The following NLRP14 variants were observed in gnomAD, a reference collection of about 807,000 sequenced individuals.
NLRP14 encodes the protein NACHT, LRR and PYD domains-containing protein 14.
In NLRP14, 105 loss-of-function variants were observed where a neutral mutation model predicts 94.7. The observed-to-expected ratio is 1.11, with a 90% CI of 0.95 to 1.30. The LOEUF is 1.30. NLRP14 is among the 50% of genes most tolerant of loss of function. The pLI is 0.00. For synonymous variants in NLRP14, 508 were observed against 459.9 expected (o/e 1.10, Z -1.34); for missense variants, 1,362 against 1,254.1 (o/e 1.09, Z -1.30).
At chr11:7,087,064 C>G in the NLRP14 span, among the ~76,000 whole-genome samples, 2 of 152,130 alleles carry the variant, frequency 1.3e-5, no homozygotes, top group Admixed American at 6.5e-5. Flanking sequence ...GGACTAAACT[C>G]TGACAACCAT....
chr11:7,029,994 A>T (rs1852069346), intron 1 of NLRP14, among the ~76,000 whole-genome samples: 1 of 152,216 alleles, frequency 6.6e-6, no homozygotes, highest in Admixed American at 6.5e-5. Context: ...AATAACGCTT[A>T]AAGTTCTCCA....
rs1852798295 is a variant in NLRP14, at chr11:7,071,479, C to A, written c.*171C>A. 6.7e-6 allele frequency among the ~76,000 whole-genome samples: 1 copy of A among 150,022 alleles called. No homozygotes were observed. Among genetic ancestry groups the A allele is most frequent in the Non-Finnish European group, 1.5e-5 (1 of 67,714 alleles). On this transcript the variant is annotated 3_prime_UTR_variant, in exon 12 of 12. Transcript: ENST00000299481. ...TCTGTAAAATGTCTGTTCTACTTCA[C>A]ACAGTGGTCGAGAGGCTAAAATAAA...
intron 5 of NLRP14, 73 bp from the exon 6 acceptor site, chr11:7,049,598 T>A (rs968363644): frequency 6.7e-6 from 7 of 1,047,316 alleles, no homozygotes; most frequent in Non-Finnish European, 1.0e-5. Context: ...AGAATTAGAT[T>A]GAAAAGAAAG....
intron 5 of NLRP14, among the ~76,000 whole-genome samples, chr11:7,047,427 C>T (rs569483662): frequency 2.6e-5 from 4 of 152,178 alleles, no homozygotes; most frequent in Non-Finnish European, 4.4e-5. Context: ...CCTCAGCCTC[C>T]CAAGTAGCTG....
intron 6 of NLRP14, among the ~76,000 whole-genome samples, chr11:7,055,757 C>T (rs1852507201): frequency 6.6e-6 from 1 of 152,058 alleles, no homozygotes; most frequent in Non-Finnish European, 1.5e-5. Context: ...GCATCTGTAC[C>T]ATCTTATGGA....
At chr11:7,047,070 T>C (rs1262905959) in intron 5 of NLRP14, among the ~76,000 whole-genome samples, 1 of 152,160 alleles carries the variant, frequency 6.6e-6, no homozygotes, top group Non-Finnish European at 1.5e-5. Flanking sequence ...ATTAGGAACT[T>C]TCTAAATGAA....
chr11:7,065,481 A>G (rs946748010), intron 10 of NLRP14, among the ~76,000 whole-genome samples: 6 of 152,046 alleles, frequency 3.9e-5, no homozygotes, highest in African/African-American at 1.4e-4. Context: ...CAATCACATC[A>G]TTTGGGAATA....
intron 3 of NLRP14, among the ~76,000 whole-genome samples, chr11:7,040,496 T>G (rs1355081746): frequency 6.6e-6 from 1 of 152,158 alleles, no homozygotes; most frequent in East Asian, 1.9e-4. Context: ...CACCCCTGCC[T>G]CCTACATCCA....
chr11:7,063,677 ACT>A (rs1178968820), intron 10 of NLRP14, among the ~76,000 whole-genome samples: 3 of 151,982 alleles, frequency 2.0e-5, no homozygotes, highest in African/African-American at 7.2e-5. Context: ...TCCATTGGCC[ACT>A]CTGATTAACA....
At chr11:7,044,400 C>T (rs767399452) in intron 4 of NLRP14, among the ~76,000 whole-genome samples, 1 of 152,116 alleles carries the variant, frequency 6.6e-6, no homozygotes, top group East Asian at 1.9e-4. Context: ...TTCTGCTGAA[C>T]CTGGTAAACA....
intron 9 of NLRP14, among the ~76,000 whole-genome samples, chr11:7,062,028 A>T (rs1907613): frequency 6.6e-6 from 1 of 151,798 alleles, no homozygotes; most frequent in African/African-American, 2.4e-5. Context: ...GAGATCTATT[A>T]GTTCCTTGGG....
chr11:7,038,068 T>C (rs914904873), intron 1 of NLRP14, among the ~76,000 whole-genome samples: 1 of 152,208 alleles, frequency 6.6e-6, no homozygotes, highest in African/African-American at 2.4e-5. Context: ...TGTTGAGTAA[T>C]AATGTGTTGG....
chr11:7,022,246 C>T (rs1372076567), intron 1 of NLRP14, among the ~76,000 whole-genome samples: 1 of 152,148 alleles, frequency 6.6e-6, no homozygotes, highest in Non-Finnish European at 1.5e-5. Flanking sequence ...CTTGAATGTG[C>T]AGAGACCCAA....
intron 1 of NLRP14, among the ~76,000 whole-genome samples, chr11:7,030,569 A>G (rs986567290): frequency 1.3e-5 from 2 of 149,636 alleles, no homozygotes; most frequent in African/African-American, 5.0e-5. Flanking sequence ...TTTTCTCCAT[A>G]GCAATGATTA....
intron 1 of NLRP14, among the ~76,000 whole-genome samples, chr11:7,027,803 C>G (rs1465143007): frequency 6.6e-6 from 1 of 152,152 alleles, no homozygotes; most frequent in Non-Finnish European, 1.5e-5. Flanking sequence ...TCAGTCTCAT[C>G]TCGTTCTATC....
chr11:7,051,033 C>A (rs1349326077), intron 6 of NLRP14, among the ~76,000 whole-genome samples: 1 of 152,298 alleles, frequency 6.6e-6, no homozygotes, highest in East Asian at 1.9e-4. Flanking sequence ...CTTGACAGAT[C>A]AGTAGGACTT....
intron 1 of NLRP14, among the ~76,000 whole-genome samples, chr11:7,029,459 A>G (rs576953362): frequency 6.6e-6 from 1 of 152,330 alleles, no homozygotes; most frequent in East Asian, 1.9e-4. Context: ...ATATAAGTTT[A>G]TATATAAACG....
At chr11:7,089,801 A>AC in the NLRP14 span, 1 of 1,604,024 alleles carries the variant, frequency 6.2e-7, no homozygotes, top group Non-Finnish European at 8.5e-7. Flanking sequence ...ACTACCGCGA[A>AC]CCCCGGGGTT....
At chr11:7,037,385 A>G (rs571734824) in intron 1 of NLRP14, among the ~76,000 whole-genome samples, 2 of 152,098 alleles carry the variant, frequency 1.3e-5, no homozygotes, top group South Asian at 2.1e-4. Context: ...TCTCCCTTCT[A>G]TATACTTTTA....
Sources: gnomAD v4.1 joint callset for allele counts (sites outside exome capture counted in the v4.1 genomes callset) on GRCh38, gnomAD v4.1.1 for gene constraint, MANE v1.5 for transcripts, NCBI Gene and HGNC (gene_info 2026-07-23, HGNC 2026-07-21) for gene names.